The following APLF variants were observed in gnomAD, a reference collection of about 807,000 sequenced individuals.
APLF encodes the protein aprataxin and PNKP like factor.
APLF carries 61 observed loss-of-function variants against 55.6 expected under a neutral mutation model. The ratio of observed to expected loss-of-function variants is 1.10; its 90% CI spans 0.89 to 1.36. The LOEUF is 1.36. Among genes scored for constraint, APLF ranks in the 40% most tolerant of loss-of-function variants. The pLI is 0.00. For synonymous variants in APLF, 207 were observed against 214.8 expected (o/e 0.96, Z 0.32); for missense variants, 611 against 602.5 (o/e 1.01, Z -0.15).
intron 1 of APLF, 93 bp downstream of exon 1, chr2:68,467,920 C>A: frequency 1.1e-6 from 1 of 943,578 alleles, no homozygotes; most frequent in Non-Finnish European, 1.4e-6. Context: ...GGTTTCCCCA[C>A]CGCACTGGTC....
intron 1 of APLF, among the ~76,000 whole-genome samples, chr2:68,474,465 G>A (rs942014868): frequency 2.0e-5 from 3 of 152,170 alleles, no homozygotes; most frequent in Non-Finnish European, 4.4e-5. Context: ...CATCACTTGG[G>A]AGATTCTGAG....
intron 5 of APLF, among the ~76,000 whole-genome samples, chr2:68,523,405 A>G (rs1263578231): frequency 2.0e-5 from 3 of 147,860 alleles, no homozygotes; most frequent in Non-Finnish European, 4.4e-5. Flanking sequence ...TTTTAAATAT[A>G]CAATACACTT....
chr2:68,552,792 C>T (rs1670901209), intron 8 of APLF, among the ~76,000 whole-genome samples: 1 of 152,106 alleles, frequency 6.6e-6, no homozygotes, highest in Admixed American at 6.6e-5. Flanking sequence ...AACCAATTAG[C>T]TTACATGTGC....
At chr2:68,530,729 C>G (rs527899489) in intron 6 of APLF, among the ~76,000 whole-genome samples, 2 of 152,274 alleles carry the variant, frequency 1.3e-5, no homozygotes, top group South Asian at 4.1e-4. Context: ...AAATATAACT[C>G]TAGGTTTTCT....
At chr2:68,557,821 G>A (rs1335299605) in intron 8 of APLF, among the ~76,000 whole-genome samples, 1 of 151,722 alleles carries the variant, frequency 6.6e-6, no homozygotes, top group Non-Finnish European at 1.5e-5. Flanking sequence ...TTAGGCAGGA[G>A]AATCACTTGA....
At chr2:68,504,638 A>G (rs1181879465) in intron 3 of APLF, among the ~76,000 whole-genome samples, 2 of 151,994 alleles carry the variant, frequency 1.3e-5, no homozygotes, top group Non-Finnish European at 1.5e-5. Flanking sequence ...CAAAAAACCT[A>G]TTAGTGAAAT....
chr2:68,551,743 T>G (rs1045341523), intron 8 of APLF, among the ~76,000 whole-genome samples: 3 of 150,842 alleles, frequency 2.0e-5, no homozygotes, highest in Admixed American at 1.3e-4. Context: ...CCAACATTTC[T>G]GGTTCTGCTT....
intron 6 of APLF, among the ~76,000 whole-genome samples, chr2:68,532,831 A>G (rs998816307): frequency 1.2e-4 from 19 of 152,216 alleles, no homozygotes; most frequent in Admixed American, 1.1e-3. Context: ...ATTTATGTTG[A>G]AACTTAATCC....
chr2:68,566,425 T>C (rs995613553), intron 8 of APLF, among the ~76,000 whole-genome samples: 1 of 152,096 alleles, frequency 6.6e-6, no homozygotes, highest in African/African-American at 2.4e-5. Flanking sequence ...AATGTGTATC[T>C]GGTTAAATAT....
chr2:68,537,598 G>A (rs1422255760), intron 6 of APLF, among the ~76,000 whole-genome samples: 1 of 152,026 alleles, frequency 6.6e-6, no homozygotes, highest in South Asian at 2.1e-4. Flanking sequence ...TCAAACTCCT[G>A]ACCTCAGGTG....
chr2:68,507,839 C>G (rs1179557606), intron 3 of APLF, among the ~76,000 whole-genome samples: 1 of 151,706 alleles, frequency 6.6e-6, no homozygotes. Flanking sequence ...TTTTCAGACA[C>G]TTATGAGGAA....
chr2:68,511,265 T>G (rs990435275), intron 3 of APLF, among the ~76,000 whole-genome samples: 4 of 151,824 alleles, frequency 2.6e-5, no homozygotes, highest in Non-Finnish European at 4.4e-5. Flanking sequence ...ATTTTTTATT[T>G]AAAATATTCT....
intron 2 of APLF, among the ~76,000 whole-genome samples, chr2:68,499,370 C>T (rs956040911): frequency 2.6e-5 from 4 of 152,154 alleles, no homozygotes; most frequent in South Asian, 4.1e-4. Flanking sequence ...AAACTTGTCT[C>T]ATTGAAGCAG....
chr2:68,510,356 T>A (rs939502642), intron 3 of APLF, among the ~76,000 whole-genome samples: 2 of 151,972 alleles, frequency 1.3e-5, no homozygotes, highest in East Asian at 1.9e-4. Context: ...AACCCAATTT[T>A]AAAATGCATA....
At chr2:68,520,564 A>G (rs1218647036) in intron 5 of APLF, among the ~76,000 whole-genome samples, 1 of 151,924 alleles carries the variant, frequency 6.6e-6, no homozygotes, top group Admixed American at 6.6e-5. Flanking sequence ...CCATTTGTTG[A>G]ATAGGGTGTC....
chr2:68,525,455 GCTAGATAGTTTACAT>G (rs1670012309), intron 5 of APLF, among the ~76,000 whole-genome samples: 1 of 152,116 alleles, frequency 6.6e-6, no homozygotes, highest in African/African-American at 2.4e-5. Context: ...CAGGTACTCT[GCTAGATAGTTTACAT>G]ATCTTACTTC....
chr2:68,536,993 C>T (rs1327946359), intron 6 of APLF, among the ~76,000 whole-genome samples: 1 of 151,868 alleles, frequency 6.6e-6, no homozygotes, highest in Non-Finnish European at 1.5e-5. Context: ...AGTGAAACCC[C>T]GTCTCTACTA....
intron 5 of APLF, 91 bp downstream of exon 5, chr2:68,513,771 A>G (rs1669487244): frequency 1.6e-6 from 2 of 1,257,474 alleles, no homozygotes; most frequent in South Asian, 2.9e-5. Flanking sequence ...AACTAGTTCT[A>G]TAGAGATAGA....
intron 5 of APLF, among the ~76,000 whole-genome samples, chr2:68,517,225 AATATATTAAT>A (rs1440348887): frequency 8.1e-5 from 9 of 111,050 alleles, no homozygotes; most frequent in African/African-American, 3.1e-4. Flanking sequence ...GATATATATA[AATATATTAAT>A]ATATGTCATT....
Sources: gnomAD v4.1 joint callset for allele counts (sites outside exome capture counted in the v4.1 genomes callset) on GRCh38, gnomAD v4.1.1 for gene constraint, MANE v1.5 for transcripts, NCBI Gene and HGNC (gene_info 2026-07-23, HGNC 2026-07-21) for gene names.